The following CAPS2 variants were observed in gnomAD, a reference collection of about 807,000 sequenced individuals.
The protein encoded by CAPS2 is calcyphosin-2.
A neutral mutation model predicts 86.5 loss-of-function variants in CAPS2; 98 were observed. That is an observed-to-expected ratio of 1.13 (90% CI 0.96 to 1.34). The LOEUF is 1.34. Among genes scored for constraint, CAPS2 ranks in the 40% most tolerant of loss-of-function variants. The pLI, the probability that CAPS2 is intolerant of heterozygous loss-of-function variation, is 0.00. For missense variants in CAPS2, 729 were observed against 686.8 expected, an observed-to-expected ratio of 1.06 and a Z score of -0.69; for synonymous variants, 210 against 225.1, an observed-to-expected ratio of 0.93 and a Z score of 0.60.
chr12:75,326,646 C>T, upstream of CAPS2: 1 of 583,068 alleles, frequency 1.7e-6, no homozygotes, highest in Middle Eastern at 3.4e-4. Context: ...ACTTCTAGTG[C>T]TTTTACCAAT....
Position 75,344,837 on chromosome 12 carries a change from G to A in CAPS2, c.-394-21615C>T, listed in dbSNP as rs191378444. 1.6e-3 allele frequency among the ~76,000 whole-genome samples: 245 copies of A among 152,114 alleles called. 1 individual carries two copies. The highest frequency in any genetic ancestry group is 5.7e-3 in the African/African-American group (236 of 41,524). Reference sequence around the variant, plus strand: ...ATATGTTAGGTAGAATAAAAGTAGCGTTTAGTCCAGAGCTGATAATGATCT... The same window carrying A: ...ATATGTTAGGTAGAATAAAAGTAGCATTTAGTCCAGAGCTGATAATGATCT... On this transcript the variant is annotated intron_variant, in intron 1 of 5. Transcript: ENST00000551829.
At chr12:75,344,821 G>A (rs1044234897) in intron 1 of CAPS2, among the ~76,000 whole-genome samples, 4 of 152,002 alleles carry the variant, frequency 2.6e-5, no homozygotes, top group African/African-American at 9.7e-5. Flanking sequence ...AATATGTTAG[G>A]TAGAATAAAA....
chr12:75,355,808 T>TGA (rs2043120533), intron 1 of CAPS2, among the ~76,000 whole-genome samples: 1 of 152,150 alleles, frequency 6.6e-6, no homozygotes, highest in Non-Finnish European at 1.5e-5. Context: ...TAAAAAGGAA[T>TGA]GAGATCATGT....
intron 14 of CAPS2, 25 bp downstream of exon 14, chr12:75,289,596 G>T (rs763153348): frequency 3.8e-6 from 6 of 1,583,148 alleles, no homozygotes; most frequent in Non-Finnish European, 2.6e-6. Flanking sequence ...ATTATCTGCT[G>T]CAGAGAATTT....
intron 8 of CAPS2, among the ~76,000 whole-genome samples, chr12:75,303,042 A>C (rs1412494540): frequency 6.6e-6 from 1 of 152,208 alleles, no homozygotes; most frequent in East Asian, 1.9e-4. Flanking sequence ...AGCAGAAATG[A>C]GTACATATGT....
intron 1 of CAPS2, chr12:75,370,541 C>T (rs1357774773): frequency 6.3e-6 from 1 of 158,628 alleles, no homozygotes; most frequent in African/African-American, 2.4e-5. Context: ...ATACCATCAA[C>T]ATCATTCAGA....
At chr12:75,354,166 AGG>A (rs35360428) in intron 1 of CAPS2, among the ~76,000 whole-genome samples, 21 of 122,924 alleles carry the variant, frequency 1.7e-4, no homozygotes, top group South Asian at 5.7e-4. Context: ...GAGAAAAAAA[AGG>A]GGGGGGGGTA....
At chr12:75,300,414 G>C (rs7302219) in intron 8 of CAPS2, among the ~76,000 whole-genome samples, 42,098 of 151,682 alleles carry the variant, frequency 0.28, 7,148 homozygotes, top group East Asian at 0.41. Flanking sequence ...AAATTAGCCG[G>C]GCGTGGTGGT....
At chr12:75,328,641 T>C (rs898281996), upstream of CAPS2, among the ~76,000 whole-genome samples, 3 of 152,230 alleles carry the variant, frequency 2.0e-5, no homozygotes, top group East Asian at 5.8e-4. Context: ...TTTCTCTGCA[T>C]CTAACTGTAA....
At chr12:75,282,208 T>C (rs761324475) in intron 16 of CAPS2, 43 bp downstream of exon 16, 3 of 1,009,158 alleles carry the variant, frequency 3.0e-6, no homozygotes, top group Admixed American at 1.7e-5. Flanking sequence ...CTTTATTAAG[T>C]AACATTTTCA....
At chr12:75,293,335 A>T (rs76541724) in exon 12 of CAPS2, 2 of 1,612,202 alleles carry the variant, frequency 1.2e-6, no homozygotes, top group East Asian at 4.5e-5. Flanking sequence ...GAAGGCTGAG[A>T]TGATCAGAAC....
intron 1 of CAPS2, among the ~76,000 whole-genome samples, chr12:75,344,700 G>A (rs1173056650): frequency 6.6e-6 from 1 of 152,000 alleles, no homozygotes; most frequent in African/African-American, 2.4e-5. Flanking sequence ...TGTACATTTT[G>A]CCTTGTTGAG....
chr12:75,326,424 A>C (rs1593559226), exon 1 of CAPS2: 1 of 1,413,058 alleles, frequency 7.1e-7, no homozygotes, highest in Non-Finnish European at 9.8e-7. Context: ...ATACTTGTAG[A>C]GGCTTCTTTC....
At chr12:75,298,637 C>T (rs1382895290) in intron 11 of CAPS2, 50 bp downstream of exon 11, 1 of 1,473,748 alleles carries the variant, frequency 6.8e-7, no homozygotes, top group Admixed American at 1.7e-5. Flanking sequence ...TGGGACTCCA[C>T]AAAATCCACC....
intron 6 of CAPS2, among the ~76,000 whole-genome samples, chr12:75,315,899 C>T (rs989061981): frequency 6.6e-6 from 1 of 151,648 alleles, no homozygotes; most frequent in African/African-American, 2.4e-5. Flanking sequence ...TATTGAGCAT[C>T]TGGAGTTTCT....
chr12:75,363,047 C>T, intron 1 of CAPS2: 1 of 918,582 alleles, frequency 1.1e-6, no homozygotes, highest in Non-Finnish European at 1.7e-6. Context: ...CATGCATGAA[C>T]AAAATTGGAG....
chr12:75,355,836 A>G lies in CAPS2; in HGVS notation c.-394-32614T>C, dbSNP rs188819258. Among the ~76,000 whole-genome samples the G allele has an allele frequency of 3.9e-5, 6 of 152,322 alleles. No homozygotes were observed. The East Asian group carries it at 1.2e-3, about 29-fold the overall frequency. ...GATCATGTCATTTGCAGGGACATGGATGGAGCTAGAAGCTATTATTCTTAG... is the reference window on the plus strand; with the variant it reads ...GATCATGTCATTTGCAGGGACATGGGTGGAGCTAGAAGCTATTATTCTTAG... On this transcript the variant is annotated intron_variant, in intron 1 of 5. Transcript: ENST00000551829.
At chr12:75,370,153 T>A in intron 1 of CAPS2, 1 of 1,582,652 alleles carries the variant, frequency 6.3e-7, no homozygotes, top group Non-Finnish European at 8.7e-7. Context: ...CAGCTTAGGT[T>A]TTCTTCTTCT....
chr12:75,298,663 T>G, intron 11 of CAPS2, 24 bp downstream of exon 11: 1 of 1,575,920 alleles, frequency 6.3e-7, no homozygotes, highest in Non-Finnish European at 8.7e-7. Context: ...GTATTAAATG[T>G]GTGCACACAC....
Sources: allele counts gnomAD v4.1 joint callset (sites outside exome capture counted in the v4.1 genomes callset), GRCh38; gene constraint gnomAD v4.1.1; transcripts MANE v1.5; gene names NCBI Gene and HGNC (gene_info 2026-07-23, HGNC 2026-07-21).